Variants in DGKG observed in about 807,000 individuals in gnomAD.
DGKG encodes the protein diacylglycerol kinase gamma.
In DGKG, 78 loss-of-function variants were observed where a neutral mutation model predicts 105.3. The ratio of observed to expected loss-of-function variants is 0.74; its 90% confidence interval spans 0.62 to 0.89. The LOEUF (loss-of-function observed/expected upper bound fraction) is 0.89. Among genes scored for constraint, DGKG ranks in the 40% least tolerant of loss-of-function variants. The probability of loss-of-function intolerance (pLI) is 0.00; values close to 1 mark genes in which losing one functional copy is unlikely to be tolerated. For synonymous variants in DGKG, 346 were observed against 367.1 expected (o/e 0.94, Z 0.66); for missense variants, 958 against 1,020.1 (o/e 0.94, Z 0.83).
chr3:186,321,359 G>T (rs938698359), intron 1 of DGKG, among the ~76,000 whole-genome samples: 1 of 152,194 alleles, frequency 6.6e-6, no homozygotes, highest in Non-Finnish European at 1.5e-5. Flanking sequence ...ACATGAAATG[G>T]AATAGGGTAG....
chr3:186,246,263 C>T (rs1408751071), intron 19 of DGKG, among the ~76,000 whole-genome samples: 2 of 152,226 alleles, frequency 1.3e-5, no homozygotes, highest in Admixed American at 6.5e-5. Flanking sequence ...TGAGCCCCCA[C>T]GCCTGGCCTG....
chr3:186,263,168 C>A (rs1224269880), intron 14 of DGKG, among the ~76,000 whole-genome samples: 46 of 96,262 alleles, frequency 4.8e-4, no homozygotes, highest in Admixed American at 3.1e-3. Flanking sequence ...ACAAAAAACA[C>A]CACCACCACC....
intron 22 of DGKG, among the ~76,000 whole-genome samples, chr3:186,185,970 C>T (rs918417447): frequency 7.3e-5 from 11 of 151,662 alleles, no homozygotes; most frequent in Admixed American, 5.3e-4. Flanking sequence ...TGATGGTGCA[C>T]GCCTGTAATC....
At chr3:186,302,494 A>ACACATATG (rs1560143582) in intron 3 of DGKG, among the ~76,000 whole-genome samples, 2 of 9,918 alleles carry the variant, frequency 2.0e-4, no homozygotes, top group African/African-American at 1.0e-3. Context: ...ATATATATAT[A>ACACATATG]TATATATATA....
chr3:186,331,526 T>C (rs2108651539), intron 1 of DGKG, among the ~76,000 whole-genome samples: 1 of 152,364 alleles, frequency 6.6e-6, no homozygotes, highest in Middle Eastern at 3.4e-3. Flanking sequence ...TGAGAGGTAC[T>C]TTGTACACCA....
At chr3:186,190,329 G>A (rs1717844148) in intron 21 of DGKG, among the ~76,000 whole-genome samples, 1 of 152,088 alleles carries the variant, frequency 6.6e-6, no homozygotes, top group African/African-American at 2.4e-5. Context: ...TTGTTACCCT[G>A]CTATTTGGCA....
intron 24 of DGKG, chr3:186,160,257 G>A: frequency 1.0e-6 from 1 of 985,362 alleles, no homozygotes; most frequent in South Asian, 4.7e-5. Flanking sequence ...AAAATCCAGT[G>A]CTTGAATTTA....
At chr3:186,265,896 C>T (rs990981741) in intron 13 of DGKG, among the ~76,000 whole-genome samples, 3 of 151,806 alleles carry the variant, frequency 2.0e-5, no homozygotes, top group African/African-American at 4.8e-5. Flanking sequence ...GGTCTCGATC[C>T]CTTGACCTCG....
At chr3:186,351,186 A>G (rs2108673212) in intron 1 of DGKG, among the ~76,000 whole-genome samples, 1 of 152,204 alleles carries the variant, frequency 6.6e-6, no homozygotes, top group South Asian at 2.1e-4. Flanking sequence ...AACACTCTTT[A>G]TTATGGAATG....
intron 22 of DGKG, among the ~76,000 whole-genome samples, chr3:186,184,607 C>A (rs1294060964): frequency 6.6e-6 from 1 of 151,992 alleles, no homozygotes; most frequent in Non-Finnish European, 1.5e-5. Context: ...ATCATTTTGG[C>A]CAGGCTGGTC....
chr3:186,148,248 G>A lies in DGKG; in HGVS notation c.*1842C>T. The A allele has an allele frequency of 1.0e-6, 1 of 985,426 alleles. No individual in the cohort carries two copies. The highest frequency in any genetic ancestry group is 1.2e-6 in the Non-Finnish European group (1 of 829,940). 61.0% of individuals were successfully genotyped at this position (985,426 alleles called of 1,614,324 possible). On this transcript the variant is annotated 3_prime_UTR_variant, in exon 25 of 25. Coordinates refer to ENST00000265022, the MANE Select transcript of DGKG (RefSeq NM_001346.3). ...CTGCTGAGACCCCTCTGTCCTGGCT[G>A]GCAGTATCTTGCAGAAGACGCCTCA...
chr3:186,234,714 C>T lies in DGKG; in HGVS notation c.1826+7790G>A, dbSNP rs954580953. Among the ~76,000 whole-genome samples the T allele has an allele frequency of 4.2e-4, 64 of 152,276 alleles. 2 individuals are homozygous for T. The highest frequency in any genetic ancestry group is 7.4e-5 in the Non-Finnish European group (5 of 68,022). On this transcript the variant is annotated intron_variant, in intron 20 of 24. Coordinates refer to ENST00000265022, the MANE Select transcript of DGKG (RefSeq NM_001346.3). ...GGTAACCTTGTAGGGAGGCTTGAGA[C>T]GCCACAGGCTGCTGCTGTGTAACAG...
chr3:186,151,039 C>T (rs776755052), intron 24 of DGKG, among the ~76,000 whole-genome samples: 25 of 152,192 alleles, frequency 1.6e-4, no homozygotes, highest in Non-Finnish European at 3.2e-4. Context: ...AATTCAAAGA[C>T]CTGGGTTTGA....
intron 21 of DGKG, chr3:186,207,513 C>A: frequency 1.0e-6 from 1 of 985,264 alleles, no homozygotes; most frequent in Non-Finnish European, 1.2e-6. Flanking sequence ...AGGCACTTAG[C>A]ACCACTGCCA....
chr3:186,162,673 G>A (rs1048922540), intron 23 of DGKG, among the ~76,000 whole-genome samples: 1 of 151,800 alleles, frequency 6.6e-6, no homozygotes, highest in Non-Finnish European at 1.5e-5. Flanking sequence ...CCGAGTAACT[G>A]GGACTATAGG....
chr3:186,353,656 GTCTATA>G (rs200198956), intron 1 of DGKG, among the ~76,000 whole-genome samples: 2,508 of 116,088 alleles, frequency 0.022, 22 homozygotes, highest in African/African-American at 0.034. Context: ...CTATGTCTAT[GTCTATA>G]TCTATATCTA....
Position 186,149,710 on chromosome 3 carries a change from T to G in DGKG, c.*380A>C. ...CACCATAGGCAGGAAACCTGCAGCC[T>G]GCTCCTCGCGAGCGTCCATGAGGAA... On this transcript the variant is annotated 3_prime_UTR_variant, in exon 25 of 25. Transcript: ENST00000265022. 4 of 1,013,356 alleles carry G rather than the reference T, an allele frequency of 3.9e-6. No individual in the cohort carries two copies. Among genetic ancestry groups the G allele is most frequent in the Non-Finnish European group, 4.7e-6 (4 of 846,658 alleles). The allele number at this position is 1,013,356 out of a possible 1,614,324, so 62.8% of individuals were successfully genotyped here. A position where few individuals can be genotyped will look rare whatever the true frequency, so the allele number is the denominator to read the frequency against.
At position 186,298,130 on chromosome 3, in the gene DGKG, T is replaced by C; in HGVS notation, c.244A>G (p.Lys82Glu). Residue 82 changes from lysine to glutamate, a missense_variant, in exon 4 of 25, where the codon AAG becomes GAG. Physicochemically the swap from Lys to Glu is moderately conservative, Grantham distance 56. Transcript: ENST00000265022. The part of the protein sequence containing the change: ...STHLFLAFSQ[K>E]PRHETSDHPT... ...TGGTCAGAGGTCTCGTGTCTGGGCTTCTGGCTGAAGGCCAGGAAGAGGTGA... is the reference window on the plus strand; with the variant it reads ...TGGTCAGAGGTCTCGTGTCTGGGCTCCTGGCTGAAGGCCAGGAAGAGGTGA... The C allele has an allele frequency of 1.2e-6, 2 of 1,614,162 alleles. No individual in the cohort carries two copies. Among genetic ancestry groups the C allele is most frequent in the South Asian group, 1.1e-5 (1 of 91,070 alleles).
intron 1 of DGKG, among the ~76,000 whole-genome samples, chr3:186,339,509 T>C (rs1331177045): frequency 6.6e-6 from 1 of 152,218 alleles, no homozygotes; most frequent in African/African-American, 2.4e-5. Flanking sequence ...AAGAGGTTTT[T>C]TCATGCTATG....
Sources: gnomAD v4.1 joint callset for allele counts (sites outside exome capture counted in the v4.1 genomes callset) on GRCh38, gnomAD v4.1.1 for gene constraint, MANE v1.5 for transcripts, NCBI Gene and HGNC (gene_info 2026-07-23, HGNC 2026-07-21) for gene names.